Variants in DEFB121 observed in about 807,000 individuals in gnomAD.
The protein encoded by DEFB121 is beta-defensin 121.
A neutral mutation model predicts 2.5 loss-of-function variants in DEFB121; 5 were observed. The ratio of observed to expected loss-of-function variants is 1.96; its 90% confidence interval spans 1.03 to 4.13. The LOEUF (loss-of-function observed/expected upper bound fraction) is 4.13. DEFB121 is among the 30% of genes most tolerant of loss of function. The pLI, the probability that DEFB121 is intolerant of heterozygous loss-of-function variation, is 0.00. For missense variants in DEFB121, 87 were observed against 85.0 expected (o/e 1.02, Z -0.09); for synonymous variants, 39 against 32.6 (o/e 1.20, Z -0.67).
chr20:31,414,230 G>A (rs1568741135), upstream of DEFB121, among the ~76,000 whole-genome samples: 1 of 151,224 alleles, frequency 6.6e-6, no homozygotes, highest in African/African-American at 2.4e-5. Flanking sequence ...AAGAAAGAAG[G>A]AAAGAGAGAA....
At chr20:31,406,475 T>C (rs542220494), upstream of DEFB121, among the ~76,000 whole-genome samples, 46 of 152,112 alleles carry the variant, frequency 3.0e-4, no homozygotes, top group Middle Eastern at 3.4e-3. Context: ...TTTTCATTAA[T>C]GAGAAAAAAA....
chr20:31,406,015 C>A, intron 1 of DEFB121, 80 bp downstream of exon 1: 1 of 1,530,468 alleles, frequency 6.5e-7, no homozygotes, highest in East Asian at 2.3e-5. Flanking sequence ...TCTCCCAGCC[C>A]AACCTGTCAG....
chr20:31,405,190 G>C, intron 1 of DEFB121, 105 bp from the exon 2 acceptor site: 1 of 1,121,034 alleles, frequency 8.9e-7, no homozygotes, highest in Non-Finnish European at 1.3e-6. Flanking sequence ...GGGAAATGAG[G>C]AGGTCTGTGG....
At chr20:31,418,276 A>AAAAAAAAG in the DEFB121 span, among the ~76,000 whole-genome samples, 8 of 149,708 alleles carry the variant, frequency 5.3e-5, no homozygotes, top group African/African-American at 1.9e-4. Context: ...AAAAAAAAAA[A>AAAAAAAAG]AAAAAAGAAA....
chr20:31,408,945 G>C (rs139506975), upstream of DEFB121, among the ~76,000 whole-genome samples: 35 of 152,018 alleles, frequency 2.3e-4, 1 homozygote, highest in East Asian at 6.0e-3. Flanking sequence ...AGAATTGTTT[G>C]AACCTGGGAG....
chr20:31,409,428 C>G (rs1158154173), upstream of DEFB121, among the ~76,000 whole-genome samples: 1 of 152,182 alleles, frequency 6.6e-6, no homozygotes, highest in Non-Finnish European at 1.5e-5. Context: ...TTAACCACTG[C>G]TATGCAACAT....
upstream of DEFB121, among the ~76,000 whole-genome samples, chr20:31,413,365 T>TCTC: frequency 6.6e-6 from 1 of 152,348 alleles, no homozygotes; most frequent in African/African-American, 2.4e-5. Context: ...TACAGAGCAC[T>TCTC]CTCCTGAGCA....
chr20:31,416,843 T>C (rs1030230972), upstream of DEFB121, among the ~76,000 whole-genome samples: 18 of 152,162 alleles, frequency 1.2e-4, no homozygotes, highest in African/African-American at 4.3e-4. Flanking sequence ...GTCTTTTTTT[T>C]CCTAGGCTTA....
At chr20:31,417,982 C>T in the DEFB121 span, among the ~76,000 whole-genome samples, 6 of 148,286 alleles carry the variant, frequency 4.0e-5, no homozygotes, top group Non-Finnish European at 8.9e-5. Flanking sequence ...GGAAAAAGGC[C>T]GGGCGCGGTG....
At chr20:31,406,523 C>A (rs1322978501), upstream of DEFB121, among the ~76,000 whole-genome samples, 1 of 152,194 alleles carries the variant, frequency 6.6e-6, no homozygotes, top group Non-Finnish European at 1.5e-5. Context: ...AGGAGTGATA[C>A]TTCTCTGCGC....
At chr20:31,414,131 T>A (rs1028685767), upstream of DEFB121, among the ~76,000 whole-genome samples, 2 of 152,014 alleles carry the variant, frequency 1.3e-5, no homozygotes, top group Non-Finnish European at 2.9e-5. Context: ...TGCTTGAACC[T>A]GGGAGGCAGA....
chr20:31,409,258 T>C (rs975278165), upstream of DEFB121, among the ~76,000 whole-genome samples: 5 of 152,230 alleles, frequency 3.3e-5, no homozygotes, highest in Admixed American at 6.5e-5. Context: ...CTCTCTTTGG[T>C]ATTTATCAAA....
chr20:31,406,376 CA>C (rs1278449978), upstream of DEFB121: 1 of 957,622 alleles, frequency 1.0e-6, no homozygotes, highest in African/African-American at 1.7e-5. Flanking sequence ...GGGACGTTAA[CA>C]AAGAGAAGAT....
At chr20:31,406,453 T>C (rs903726590), upstream of DEFB121, among the ~76,000 whole-genome samples, 6 of 152,264 alleles carry the variant, frequency 3.9e-5, no homozygotes, top group East Asian at 3.9e-4. Flanking sequence ...AATATTTTCA[T>C]CTCTAATTTG....
chr20:31,407,632 A>G (rs919142614), upstream of DEFB121, among the ~76,000 whole-genome samples: 6 of 152,200 alleles, frequency 3.9e-5, no homozygotes, highest in African/African-American at 1.4e-4. Flanking sequence ...CAATCTAGCC[A>G]AATATAAAGG....
chr20:31,405,612 G>A (rs1978452353), intron 1 of DEFB121, among the ~76,000 whole-genome samples: 1 of 152,090 alleles, frequency 6.6e-6, no homozygotes, highest in Non-Finnish European at 1.5e-5. Flanking sequence ...GCCCCAACCA[G>A]TCAAGGGAAT....
chr20:31,405,161 G>T, intron 1 of DEFB121, 76 bp from the exon 2 acceptor site: 1 of 1,430,282 alleles, frequency 7.0e-7, no homozygotes, highest in Non-Finnish European at 9.4e-7. Context: ...AGAGGCTAAA[G>T]CCCAGTAGAG....
intron 1 of DEFB121, among the ~76,000 whole-genome samples, chr20:31,411,255 C>G (rs548039375): frequency 6.6e-6 from 1 of 152,290 alleles, no homozygotes; most frequent in South Asian, 2.1e-4. Context: ...TCTGGAGTGT[C>G]CACCATTCTT....
upstream of DEFB121, among the ~76,000 whole-genome samples, chr20:31,410,838 G>A (rs1978641803): frequency 6.6e-6 from 1 of 151,926 alleles, no homozygotes; most frequent in East Asian, 1.9e-4. Context: ...GAGAGAGAGA[G>A]AGAGAGAGAG....
Sources: gnomAD v4.1 joint callset for allele counts (sites outside exome capture counted in the v4.1 genomes callset) on GRCh38, gnomAD v4.1.1 for gene constraint, MANE v1.5 for transcripts, NCBI Gene and HGNC (gene_info 2026-07-23, HGNC 2026-07-21) for gene names.